The following SLC7A8 variants were observed in gnomAD, a reference collection of about 807,000 sequenced individuals.
The protein encoded by SLC7A8 is large neutral amino acids transporter small subunit 2.
In SLC7A8, 30 loss-of-function variants were observed where a neutral mutation model predicts 51.2. The ratio of observed to expected loss-of-function variants is 0.59; its 90% CI spans 0.44 to 0.80. The LOEUF is 0.80. Ranked by LOEUF, SLC7A8 falls within the 30% of genes least tolerant of loss-of-function variation. The pLI, the probability that SLC7A8 is intolerant of heterozygous loss-of-function variation, is 0.00. For synonymous variants in SLC7A8, 257 were observed against 275.8 expected, an observed-to-expected ratio of 0.93 and a Z score of 0.67; for missense variants, 612 against 674.4, an observed-to-expected ratio of 0.91 and a Z score of 1.03.
In SLC7A8 at chr14:23,127,207, G is replaced by C. The variant is rs1313478881; in HGVS notation, c.1578C>G (p.Asp526Glu). The C allele has an allele frequency of 1.2e-6, 2 of 1,614,002 alleles. No individual in the cohort carries two copies. The highest frequency in any genetic ancestry group is 2.7e-5 in the African/African-American group (2 of 74,898). The part of the protein sequence containing the change: ...QPMYQPTPTK[D>E]KDVAGQPQP ...GCTGGGGCTGCCCCGCCACGTCCTTGTCCTTCGTGGGAGTGGGTTGGTACA... is the reference window on the plus strand; with the variant it reads ...GCTGGGGCTGCCCCGCCACGTCCTTCTCCTTCGTGGGAGTGGGTTGGTACA... Residue 526 changes from aspartate (D) to glutamate (E), a missense_variant, in exon 11 of 11, where the codon GAC becomes GAG. Coordinates refer to ENST00000316902, the MANE Select transcript of SLC7A8 (RefSeq NM_012244.4).
chr14:23,155,618 T>C (rs1240330919), intron 3 of SLC7A8, among the ~76,000 whole-genome samples: 6 of 151,976 alleles, frequency 3.9e-5, no homozygotes, highest in Non-Finnish European at 8.8e-5. Context: ...TGGCCTGCCA[T>C]GCCACCCTGG....
intron 3 of SLC7A8, among the ~76,000 whole-genome samples, chr14:23,152,883 C>CA (rs1027915846): frequency 1.3e-5 from 2 of 152,198 alleles, no homozygotes; most frequent in Admixed American, 1.3e-4. Context: ...CGATGAGCCA[C>CA]ACTATTCTGG....
chr14:23,169,393 A>G (rs1185653317), intron 1 of SLC7A8, among the ~76,000 whole-genome samples: 3 of 152,094 alleles, frequency 2.0e-5, no homozygotes, highest in Non-Finnish European at 4.4e-5. Context: ...GATAAAAGCT[A>G]AAAAAATATT....
At chr14:23,132,707 T>C (rs542729337) in intron 7 of SLC7A8, among the ~76,000 whole-genome samples, 5 of 151,494 alleles carry the variant, frequency 3.3e-5, no homozygotes, top group South Asian at 2.1e-4. Flanking sequence ...ACGATCTTGG[T>C]TCACCGCAAC....
chr14:23,166,310 A>G, intron 2 of SLC7A8, 26 bp downstream of exon 2: 2 of 1,606,728 alleles, frequency 1.2e-6, no homozygotes, highest in Non-Finnish European at 1.7e-6. Flanking sequence ...CCCCTAGACC[A>G]TTCAGGTCTC....
chr14:23,159,727 C>T (rs758271025), intron 3 of SLC7A8, among the ~76,000 whole-genome samples: 1 of 152,204 alleles, frequency 6.6e-6, no homozygotes, highest in Non-Finnish European at 1.5e-5. Context: ...CTGCACCAGG[C>T]AGTTGGAGGC....
intron 1 of SLC7A8, among the ~76,000 whole-genome samples, chr14:23,166,903 C>T (rs1406993416): frequency 1.3e-5 from 2 of 152,160 alleles, no homozygotes; most frequent in Admixed American, 6.5e-5. Flanking sequence ...TATTGAATCT[C>T]AGGACCCTCC....
At chr14:23,173,687 A>C (rs958012499) in intron 1 of SLC7A8, among the ~76,000 whole-genome samples, 7 of 151,926 alleles carry the variant, frequency 4.6e-5, no homozygotes, top group Non-Finnish European at 1.0e-4. Flanking sequence ...TCACTCTGTC[A>C]CCCAGGCTGG....
chr14:23,163,224 C>T (rs993683606), intron 3 of SLC7A8, among the ~76,000 whole-genome samples: 2 of 152,186 alleles, frequency 1.3e-5, no homozygotes, highest in South Asian at 2.1e-4. Flanking sequence ...CCCCTTCCTT[C>T]TCTCTTGCAG....
intron 1 of SLC7A8, among the ~76,000 whole-genome samples, chr14:23,172,414 G>GT (rs1253202783): frequency 1.3e-5 from 2 of 152,194 alleles, no homozygotes; most frequent in East Asian, 3.8e-4. Context: ...GTACATGCTT[G>GT]TTTTGGGAGG....
At position 23,166,491 on chromosome 14, in the gene SLC7A8, C is replaced by T. The variant is rs1212311787; in HGVS notation, c.201G>A (p.Glu67=). 3.1e-6 allele frequency: 5 copies of T among 1,614,192 alleles called. No homozygotes were observed. In the East Asian group the frequency reaches 8.9e-5, roughly 29 times the overall value. ...GAGCAAGGCCCACAGAACCAGCATT[C>T]TCCAGCACTCCCTTTGGCGAGACAA... The part of the protein sequence containing the change: ...GIFVSPKGVL[E]NAGSVGLALI... The change falls in exon 2 of 11, where the codon GAG becomes GAA. Residue 67 remains glutamate (E), a synonymous_variant. Coordinates refer to ENST00000316902, the MANE Select transcript of SLC7A8 (RefSeq NM_012244.4).
chr14:23,181,252 C>A (rs1877162854), intron 1 of SLC7A8, among the ~76,000 whole-genome samples: 1 of 152,050 alleles, frequency 6.6e-6, no homozygotes, highest in African/African-American at 2.4e-5. Context: ...TGGCTGTTCT[C>A]ATTTCTTTTG....
intron 3 of SLC7A8, among the ~76,000 whole-genome samples, chr14:23,145,066 G>A (rs1594826826): frequency 6.8e-6 from 1 of 147,354 alleles, no homozygotes; most frequent in Admixed American, 6.7e-5. Flanking sequence ...GACTACAGGC[G>A]CCCGCCACCA....
chr14:23,181,022 G>T (rs1007947540), intron 1 of SLC7A8, among the ~76,000 whole-genome samples: 1 of 150,482 alleles, frequency 6.6e-6, no homozygotes, highest in East Asian at 2.0e-4. Context: ...GCGAGACTCC[G>T]TCTGAACAAA....
Position 23,165,454 on chromosome 14 carries a change from C to T in SLC7A8, c.357-18G>A, listed in dbSNP as rs1402140191. ...TCAGGAACCTGAAGGAGGAAAGGGA[C>T]ATCCGCCGAAAGGCATGGCAGGGAC... On this transcript the variant is annotated intron_variant, in intron 2 of 10. Transcript: ENST00000316902. This position sits in a 1 kb window ranked among gnomAD's most constrained non-coding sequence, Gnocchi z 4.2. The T allele has an allele frequency of 6.3e-7, 1 of 1,577,746 alleles. No homozygotes were observed. The highest frequency in any genetic ancestry group is 8.6e-7 in the Non-Finnish European group (1 of 1,166,288).
rs766397417 is a variant in SLC7A8 at position 23,129,795 on chromosome 14, A to C, written c.1118T>G (p.Ile373Ser). Reference sequence around the variant, plus strand: ...GGTGACCAGCATCAGCAGGGTGGAGATGCACTGGGAAAGTGGGAGGAGCTC... The same window carrying C: ...GGTGACCAGCATCAGCAGGGTGGAGCTGCACTGGGAAAGTGGGAGGAGCTC... ...TPIPALLFTC[I>S]STLLMLVTSD... is the part of the protein sequence containing the mutation. Residue 373 changes from isoleucine to serine, a missense_variant, in exon 9 of 11, where the codon ATC becomes AGC. By Grantham distance (142) the Ile-to-Ser change is moderately radical. Transcript: ENST00000316902. The C allele has an allele frequency of 6.2e-7, 1 of 1,614,054 alleles. No individual in the cohort carries two copies. Among genetic ancestry groups the C allele is most frequent in the Non-Finnish European group, 8.5e-7 (1 of 1,179,984 alleles).
intron 3 of SLC7A8, among the ~76,000 whole-genome samples, chr14:23,163,277 C>T (rs958723192): frequency 6.6e-6 from 1 of 152,154 alleles, no homozygotes; most frequent in Non-Finnish European, 1.5e-5. Context: ...GATTACACTC[C>T]CCATCTCACA....
chr14:23,173,038 C>T (rs28712199), intron 1 of SLC7A8, among the ~76,000 whole-genome samples: 2,643 of 152,236 alleles, frequency 0.017, 66 homozygotes, highest in African/African-American at 0.061. Flanking sequence ...ATTTTTAAGT[C>T]TATAGTTTAG....
intron 3 of SLC7A8, among the ~76,000 whole-genome samples, chr14:23,164,216 C>T (rs1445756260): frequency 1.3e-5 from 2 of 152,202 alleles, no homozygotes; most frequent in Non-Finnish European, 2.9e-5. Flanking sequence ...TTAGAAAACT[C>T]ATCAAGGGCA....
Sources: allele counts gnomAD v4.1 joint callset (sites outside exome capture counted in the v4.1 genomes callset), GRCh38; gene constraint gnomAD v4.1.1; non-coding constraint Gnocchi (gnomAD v3.1); transcripts MANE v1.5; gene names NCBI Gene and HGNC (gene_info 2026-07-23, HGNC 2026-07-21).